The following UCKL1 variants were observed in gnomAD, a reference collection of about 807,000 sequenced individuals.
UCKL1 encodes uridine-cytidine kinase 1 like 1.
In UCKL1, 65 loss-of-function variants were observed where a neutral mutation model predicts 59.2. The ratio of observed to expected loss-of-function variants is 1.10; its 90% CI spans 0.90 to 1.35. The LOEUF (loss-of-function observed/expected upper bound fraction) is 1.35, where lower values mean the gene tolerates loss of function less well. Among genes scored for constraint, UCKL1 ranks in the 40% most tolerant of loss-of-function variants. The pLI is 0.00. For missense variants in UCKL1, 703 were observed against 784.3 expected, an observed-to-expected ratio of 0.90 and a Z score of 1.24; for synonymous variants, 410 against 323.1, an observed-to-expected ratio of 1.27 and a Z score of -2.88.
rs2058412583 is a variant in UCKL1 at position 63,955,356 on chromosome 20, T to A, written c.113+904A>T. On this transcript the variant is annotated intron_variant, in intron 1 of 14. Transcript: ENST00000354216. ...CTAGTCACTGCCCACTGGGAGGGTG[T>A]GGACCTGAAGGGACGCAGGGCCAGG... 2.0e-5 allele frequency: 3 copies of A among 152,278 alleles called. No individual in the cohort carries two copies. The South Asian group carries it at 6.2e-4, about 31-fold the overall frequency. The allele number at this position is 152,278 out of a possible 1,614,324, so 9.4% of individuals were successfully genotyped here.
rs1003461105 is a variant in UCKL1 at position 63,956,390 on chromosome 20, T to C, written c.-18A>G. Reference sequence around the variant, plus strand: ...GCAGCCATGGCGCTCGGAGGCCTCTTTGCGGGCCTGGCCGGGCGGCGCGCA... The same window carrying C: ...GCAGCCATGGCGCTCGGAGGCCTCTCTGCGGGCCTGGCCGGGCGGCGCGCA... On this transcript the variant is annotated 5_prime_UTR_variant, in exon 1 of 15. Transcript: ENST00000354216. 37 of 1,443,348 alleles carry C rather than the reference T, an allele frequency of 2.6e-5. No homozygotes were observed. The highest frequency in any genetic ancestry group is 3.2e-5 in the Non-Finnish European group (35 of 1,100,500). 89.4% of individuals were successfully genotyped at this position (1,443,348 alleles called of 1,614,324 possible).
chr20:63,940,664 C>G lies in UCKL1; in HGVS notation c.1232G>C (p.Arg411Pro), dbSNP rs765234389. Reference sequence around the variant, plus strand: ...GATGCGCACGTCTTTGCACACAGCGCGCAGCGCGGGCTCCATGGTTTCACC... The same window carrying G: ...GATGCGCACGTCTTTGCACACAGCGGGCAGCGCGGGCTCCATGGTTTCACC... ...RAGETMEPAL[R>P]AVCKDVRIGT... Residue 411 changes from arginine (R) to proline (P), a missense_variant, in exon 12 of 15, where the codon CGC (arginine) becomes CCC (proline). Around this residue, in one of 4 missense-constraint regions of UCKL1, gnomAD observed 25 missense variants for 64.5 expected, o/e 0.39. Coordinates refer to ENST00000354216, the MANE Select transcript of UCKL1 (RefSeq NM_017859.4). 2 of 1,609,052 alleles carry G rather than the reference C, an allele frequency of 1.2e-6. No homozygotes were observed. Among genetic ancestry groups the G allele is most frequent in the African/African-American group, 1.3e-5 (1 of 75,042 alleles).
rs752934784 is a variant in UCKL1, at chr20:63,946,472, G to C, written c.285C>G (p.Ser95=). 9 of 1,568,756 alleles carry C rather than the reference G, an allele frequency of 5.7e-6. No individual in the cohort carries two copies. The highest frequency in any genetic ancestry group is 7.8e-6 in the Non-Finnish European group (9 of 1,156,630). ...TCTCACCGATGGCGAAGGCCTCTTTGGATTGCGTGCCGTGTTCATTGTACC... is the reference window on the plus strand; with the variant it reads ...TCTCACCGATGGCGAAGGCCTCTTTCGATTGCGTGCCGTGTTCATTGTACC... ...PPWYNEHGTQ[S]KEAFAIGLGG... is the part of the protein sequence containing the mutation. Residue 95 remains serine (S), a synonymous_variant, in exon 2 of 15, where the codon TCC becomes TCG. Transcript: ENST00000354216.
At position 63,956,298 on chromosome 20, in the gene UCKL1, G is replaced by A; in HGVS notation, c.75C>T (p.Gly25=). 2 of 1,562,738 alleles carry A rather than the reference G, an allele frequency of 1.3e-6. No homozygotes were observed. Among genetic ancestry groups the A allele is most frequent in the Admixed American group, 1.9e-5 (1 of 53,466 alleles). ...CGGTCTCGCTTTTCTCAGCCTGCCGGCCTGGTGTGTCTCGGGCCGTAGGTG... is the reference window on the plus strand; with the variant it reads ...CGGTCTCGCTTTTCTCAGCCTGCCGACCTGGTGTGTCTCGGGCCGTAGGTG... ...TSPPTARDTP[G]RQAEKSETAC... is the part of the protein sequence containing the mutation. Residue 25 remains glycine (G), a synonymous_variant, in exon 1 of 15, where the codon GGC becomes GGT. Coordinates refer to ENST00000354216, the MANE Select transcript of UCKL1 (RefSeq NM_017859.4).
At chr20:63,944,030 G>C (rs903314774) in intron 7 of UCKL1, among the ~76,000 whole-genome samples, 1 of 152,236 alleles carries the variant, frequency 6.6e-6, no homozygotes, top group Non-Finnish European at 1.5e-5. Flanking sequence ...CCCTGAGAAA[G>C]AGAGGAGCCT....
chr20:63,950,680 A>G, intron 1 of UCKL1: 1 of 1,385,548 alleles, frequency 7.2e-7, no homozygotes, highest in East Asian at 2.8e-5. Flanking sequence ...ACAGACATGC[A>G]CCAAACACAG....
chr20:63,944,927 C>A (rs2055742499), intron 5 of UCKL1, among the ~76,000 whole-genome samples, 193 bp from the exon 6 acceptor site: 1 of 151,860 alleles, frequency 6.6e-6, no homozygotes, highest in African/African-American at 2.4e-5. Context: ...GCCCGAGCCA[C>A]TTCCCCAGGG....
chr20:63,956,311 CGGGCCGT>C lies in UCKL1; in HGVS notation c.55_61del (p.Thr19GlufsTer97). 1 of 1,558,566 alleles carries C rather than the reference CGGGCCGT, an allele frequency of 6.4e-7. No homozygotes were observed. The highest frequency in any genetic ancestry group is 8.6e-7 in the Non-Finnish European group (1 of 1,156,506). ...CTCAGCCTGCCGGCCTGGTGTGTCT[CGGGCCGT>C]AGGTGGCGACGTGGGCGAAGGATCA... On this transcript the variant is annotated frameshift_variant, in exon 1 of 15. Transcript: ENST00000354216. LOFTEE classifies it high-confidence loss of function.
Position 63,941,262 on chromosome 20 carries a change from T to G in UCKL1, c.924-54A>C, listed in dbSNP as rs1047105784. On this transcript the variant is annotated intron_variant, in intron 8 of 14. Transcript: ENST00000354216. ...AGAAGGGGGTCTTTTCCCAGAGCCC[T>G]CCCTCCCCACAGGACGGCTGTGCGT... is the stretch of plus-strand genomic sequence containing the variant. The G allele has an allele frequency of 2.8e-6, 4 of 1,451,796 alleles. No individual in the cohort carries two copies. The South Asian group carries it at 4.3e-5, about 15-fold the overall frequency. The allele number at this position is 1,451,796 out of a possible 1,614,324, so 89.9% of individuals were successfully genotyped here. A position where few individuals can be genotyped will look rare whatever the true frequency, so the allele number is the denominator to read the frequency against.
chr20:63,947,375 G>A (rs571672643), intron 1 of UCKL1, among the ~76,000 whole-genome samples: 1 of 152,354 alleles, frequency 6.6e-6, no homozygotes, highest in East Asian at 1.9e-4. Context: ...CACACTCTCT[G>A]GGCAGCCAAA....
chr20:63,954,057 C>G (rs2058145113), intron 1 of UCKL1: 1 of 153,050 alleles, frequency 6.5e-6, no homozygotes, highest in South Asian at 2.1e-4. Flanking sequence ...GAGGAGCTAG[C>G]CCACAGGAGC....
Position 63,950,885 on chromosome 20 carries a change from G to A in UCKL1, c.114-4242C>T, listed in dbSNP as rs1293871218. ...AGAGTGGCCCCAGGGGTGGATGCGTGGGGGCTCAGGCGCAGGCAGCCGTGG... is the reference window on the plus strand; with the variant it reads ...AGAGTGGCCCCAGGGGTGGATGCGTAGGGGCTCAGGCGCAGGCAGCCGTGG... On this transcript the variant is annotated intron_variant, in intron 1 of 14. Transcript: ENST00000354216. 9 of 1,438,874 alleles carry A rather than the reference G, an allele frequency of 6.3e-6. No homozygotes were observed. The East Asian group carries it at 2.2e-4, about 34-fold the overall frequency. The allele number at this position is 1,438,874 out of a possible 1,614,324, so 89.1% of individuals were successfully genotyped here.
chr20:63,946,756 G>A (rs1450204770), intron 1 of UCKL1, 113 bp from the exon 2 acceptor site: 1 of 1,151,876 alleles, frequency 8.7e-7, no homozygotes, highest in Non-Finnish European at 1.2e-6. Context: ...GCATGGCTGA[G>A]GCGGGCAGGC....
intron 1 of UCKL1, among the ~76,000 whole-genome samples, chr20:63,947,370 T>A (rs1421883767): frequency 6.6e-6 from 1 of 152,134 alleles, no homozygotes; most frequent in Non-Finnish European, 1.5e-5. Flanking sequence ...CCCGGCACAC[T>A]CTCTGGGCAG....
chr20:63,945,804 C>G lies in UCKL1; in HGVS notation c.582+1G>C, dbSNP rs1304326764. The G allele has an allele frequency of 1.9e-6, 3 of 1,613,582 alleles. No individual in the cohort carries two copies. The highest frequency in any genetic ancestry group is 1.7e-5 in the Admixed American group (1 of 60,024). ...GCCCCCTCTGCAGGGCCCTGGCCTA[C>G]CCAGTCCTTCTTCCGGCTGTGCGTG... On this transcript the variant is annotated splice_donor_variant, in intron 4 of 14. Coordinates refer to ENST00000354216, the MANE Select transcript of UCKL1 (RefSeq NM_017859.4). LOFTEE classifies it high-confidence loss of function.
In UCKL1 at chr20:63,940,560, C is replaced by T. The variant is rs764114802; in HGVS notation, c.1302+34G>A. On this transcript the variant is annotated intron_variant, in intron 12 of 14. Coordinates refer to ENST00000354216, the MANE Select transcript of UCKL1 (RefSeq NM_017859.4). ...GCTGTGAGCTCCCTCTGCCCCCTACCCCCGGGCTCATCACCCCGGCTGCCC... is the reference window on the plus strand; with the variant it reads ...GCTGTGAGCTCCCTCTGCCCCCTACTCCCGGGCTCATCACCCCGGCTGCCC... The T allele has an allele frequency of 8.1e-6, 13 of 1,604,534 alleles. No homozygotes were observed. In the South Asian group the frequency reaches 1.3e-4, roughly 16 times the overall value.
chr20:63,951,578 T>C (rs1269701889), intron 1 of UCKL1, among the ~76,000 whole-genome samples: 1 of 152,166 alleles, frequency 6.6e-6, no homozygotes, highest in Non-Finnish European at 1.5e-5. Context: ...TGAAAATAAC[T>C]GCCTTGCCCT....
At chr20:63,954,435 G>C (rs1414019526) in intron 1 of UCKL1, 1 of 152,376 alleles carries the variant, frequency 6.6e-6, no homozygotes, top group Non-Finnish European at 1.5e-5. Context: ...TGTGGCAGGA[G>C]GCACTGGAAC....
At position 63,946,209 on chromosome 20, in the gene UCKL1, G is replaced by A. The variant is rs747281446; in HGVS notation, c.363C>T (p.Ala121=). The change falls in exon 3 of 15, where the codon GCC becomes GCT. Residue 121 remains alanine (A), a synonymous_variant. Coordinates refer to ENST00000354216, the MANE Select transcript of UCKL1 (RefSeq NM_017859.4). ...GCAAGACCACCCAGGGCACATCCAG[G>A]GCCTCGATGATCATTCTGGCCACAG... ...KTTVARMIIE[A]LDVPWVVLLS... 6 of 1,611,378 alleles carry A rather than the reference G, an allele frequency of 3.7e-6. No homozygotes were observed. The East Asian group carries it at 6.7e-5, about 18-fold the overall frequency.
Sources: allele counts gnomAD v4.1 joint callset (sites outside exome capture counted in the v4.1 genomes callset), GRCh38; gene constraint gnomAD v4.1.1; regional missense constraint gnomAD v4.1.1; transcripts MANE v1.5; gene names NCBI Gene and HGNC (gene_info 2026-07-23, HGNC 2026-07-21).